Variants in FHIP2A observed in about 807,000 individuals in gnomAD.
The protein encoded by FHIP2A is family with sequence similarity 160 member B1.
FHIP2A carries 46 observed loss-of-function variants against 93.5 expected under a neutral mutation model. The observed-to-expected ratio is 0.49, with a 90% CI of 0.39 to 0.63. The LOEUF (loss-of-function observed/expected upper bound fraction) is 0.63. FHIP2A is among the 20% of genes least tolerant of loss of function. The pLI is 0.00. For missense variants in FHIP2A, 769 were observed against 909.7 expected, an observed-to-expected ratio of 0.85 and a Z score of 1.99; for synonymous variants, 332 against 326.5, an observed-to-expected ratio of 1.02 and a Z score of -0.18.
chr10:114,843,147 C>G lies in FHIP2A; in HGVS notation c.737C>G (p.Ser246Ter). ...STSLDNLSVT[S>*]LPEASVVCPN... ...AGCTTGGATAACCTCAGTGTCACCT[C>G]ACTGCCAGAGGCCTCGGTTGTTTGT... The change falls in exon 6 of 17, where the codon TCA (serine) becomes TGA (stop). Residue 246 changes from serine to a stop codon, truncating the protein, a stop_gained. Coordinates refer to ENST00000369248, the MANE Select transcript of FHIP2A (RefSeq NM_020940.4). LOFTEE classifies it high-confidence loss of function. The G allele has an allele frequency of 1.9e-6, 3 of 1,614,026 alleles. No homozygotes were observed. Among genetic ancestry groups the G allele is most frequent in the Non-Finnish European group, 2.5e-6 (3 of 1,179,928 alleles).
intron 16 of FHIP2A, among the ~76,000 whole-genome samples, chr10:114,872,922 CAG>C (rs1226489168): frequency 2.0e-5 from 3 of 152,192 alleles, no homozygotes; most frequent in Admixed American, 6.5e-5. Flanking sequence ...GTTTGGAAAA[CAG>C]AAACCACACA....
At chr10:114,838,762 C>T (rs1382904952) in intron 5 of FHIP2A, among the ~76,000 whole-genome samples, 1 of 152,110 alleles carries the variant, frequency 6.6e-6, no homozygotes, top group Non-Finnish European at 1.5e-5. Context: ...ACTGTATGTA[C>T]CTGTCTTCGG....
At chr10:114,825,057 AC>A (rs747032238) in intron 1 of FHIP2A, among the ~76,000 whole-genome samples, 5 of 152,150 alleles carry the variant, frequency 3.3e-5, no homozygotes, top group African/African-American at 4.8e-5. Context: ...GGTCTCTGTC[AC>A]CCAGGCTAGA....
intron 16 of FHIP2A, among the ~76,000 whole-genome samples, chr10:114,892,796 A>C (rs922328634): frequency 1.3e-5 from 2 of 152,220 alleles, no homozygotes; most frequent in African/African-American, 4.8e-5. Flanking sequence ...CATTTTATCC[A>C]GACATTACAT....
chr10:114,875,869 GAGAA>G (rs1420301669), intron 16 of FHIP2A, among the ~76,000 whole-genome samples: 2,208 of 112,502 alleles, frequency 0.02, 170 homozygotes, highest in African/African-American at 0.075. Context: ...AAGAAAGAAA[GAGAA>G]AGAAAGAAAA....
chr10:114,852,965 C>T (rs1392301034), intron 13 of FHIP2A, among the ~76,000 whole-genome samples: 1 of 152,196 alleles, frequency 6.6e-6, no homozygotes, highest in African/African-American at 2.4e-5. Flanking sequence ...CTTCAACATC[C>T]AGATTAAATG....
At chr10:114,850,204 C>T (rs2143011964) in intron 13 of FHIP2A, among the ~76,000 whole-genome samples, 1 of 152,210 alleles carries the variant, frequency 6.6e-6, no homozygotes, top group Admixed American at 6.5e-5. Flanking sequence ...ACAGTGGTGG[C>T]ACCATTTTAC....
At chr10:114,887,791 G>C (rs1173889796) in intron 16 of FHIP2A, among the ~76,000 whole-genome samples, 3 of 152,216 alleles carry the variant, frequency 2.0e-5, no homozygotes, top group Non-Finnish European at 4.4e-5. Context: ...TGCCACACCT[G>C]CCTTCAAGGA....
At chr10:114,835,059 G>T (rs1349134785) in intron 3 of FHIP2A, among the ~76,000 whole-genome samples, 2 of 152,130 alleles carry the variant, frequency 1.3e-5, no homozygotes, top group Non-Finnish European at 2.9e-5. Flanking sequence ...TTACACCATA[G>T]GTTTCCTTTT....
At chr10:114,856,693 G>A (rs542543323) in intron 14 of FHIP2A, among the ~76,000 whole-genome samples, 4 of 152,306 alleles carry the variant, frequency 2.6e-5, no homozygotes, top group South Asian at 2.1e-4. Flanking sequence ...TCTCTAGTTT[G>A]TGGAGTGCTG....
At chr10:114,841,971 G>T (rs1438232568) in intron 5 of FHIP2A, among the ~76,000 whole-genome samples, 3 of 152,136 alleles carry the variant, frequency 2.0e-5, no homozygotes, top group Non-Finnish European at 2.9e-5. Context: ...ATGTGGATTG[G>T]GGGAGGGAGC....
chr10:114,836,552 C>G lies in FHIP2A; in HGVS notation c.522+306C>G, dbSNP rs115613336. Among the ~76,000 whole-genome samples, 742 of 152,270 alleles carry G rather than the reference C, an allele frequency of 4.9e-3. 12 individuals are homozygous for G. The highest frequency in any genetic ancestry group is 0.017 in the African/African-American group (702 of 41,554). On this transcript the variant is annotated intron_variant, in intron 5 of 16. Coordinates refer to ENST00000369248, the MANE Select transcript of FHIP2A (RefSeq NM_020940.4). ...CAAGTCACAGAAGTTGATATGCTAT[C>G]ATATTTTCAGCCAAGCTTGCCCTAG...
At chr10:114,879,311 A>G (rs1455051752) in intron 16 of FHIP2A, among the ~76,000 whole-genome samples, 1 of 152,162 alleles carries the variant, frequency 6.6e-6, no homozygotes, top group Non-Finnish European at 1.5e-5. Flanking sequence ...ACAAACAAAA[A>G]TCCTGCAAAT....
intron 16 of FHIP2A, among the ~76,000 whole-genome samples, chr10:114,883,151 A>G (rs933903747): frequency 5.3e-5 from 8 of 152,114 alleles, no homozygotes; most frequent in Non-Finnish European, 1.2e-4. Flanking sequence ...AAGATTTTGG[A>G]TCATTTTGTG....
chr10:114,897,836 GAGGTCAAATCTGC>G (rs1300028920), intron 16 of FHIP2A, among the ~76,000 whole-genome samples: 1 of 152,174 alleles, frequency 6.6e-6, no homozygotes, highest in Non-Finnish European at 1.5e-5. Context: ...TTGAGCCTGG[GAGGTCAAATCTGC>G]AGTGAGCCAT....
intron 1 of FHIP2A, among the ~76,000 whole-genome samples, chr10:114,822,971 G>T (rs2083546346): frequency 6.6e-6 from 1 of 152,258 alleles, no homozygotes; most frequent in African/African-American, 2.4e-5. Context: ...CCTTGTCACT[G>T]TTCTAGTAAG....
At chr10:114,829,002 G>T (rs1312225479) in intron 1 of FHIP2A, among the ~76,000 whole-genome samples, 3 of 152,106 alleles carry the variant, frequency 2.0e-5, no homozygotes, top group Non-Finnish European at 2.9e-5. Flanking sequence ...GTTTCGACAG[G>T]GTTGCCAGCT....
intron 5 of FHIP2A, among the ~76,000 whole-genome samples, chr10:114,841,567 G>A (rs112584479): frequency 3.9e-3 from 600 of 152,192 alleles, no homozygotes; most frequent in African/African-American, 0.013. Context: ...GCTGGGATGT[G>A]AGCCACTGCA....
At chr10:114,875,607 G>T (rs1182418168) in intron 16 of FHIP2A, among the ~76,000 whole-genome samples, 1 of 152,034 alleles carries the variant, frequency 6.6e-6, no homozygotes, top group Admixed American at 6.6e-5. Context: ...GAGACAGGAG[G>T]ATGGTGTGAA....
Sources: gnomAD v4.1 joint callset for allele counts (sites outside exome capture counted in the v4.1 genomes callset) on GRCh38, gnomAD v4.1.1 for gene constraint, MANE v1.5 for transcripts, NCBI Gene and HGNC (gene_info 2026-07-23, HGNC 2026-07-21) for gene names.